The following ZNF347 variants were observed in gnomAD, a reference collection of about 807,000 sequenced individuals.
ZNF347 encodes CTD-2620I22.7.
ZNF347 carries 19 observed loss-of-function variants against 12.9 expected under a neutral mutation model. The ratio of observed to expected loss-of-function variants is 1.47; its 90% CI spans 1.03 to 2.16. ZNF347 has a LOEUF of 2.16. ZNF347 is among the 30% of genes most tolerant of loss of function. ZNF347 has a pLI of 0.00. For missense variants in ZNF347, 1,005 were observed against 990.6 expected (o/e 1.01, Z -0.19); for synonymous variants, 328 against 340.6 (o/e 0.96, Z 0.41).
Position 53,148,801 on chromosome 19 carries a change from A to T in ZNF347, c.151T>A (p.Cys51Ser), listed in dbSNP as rs1009268080. 3 of 1,613,098 alleles carry T rather than the reference A, an allele frequency of 1.9e-6. No individual in the cohort carries two copies. Among genetic ancestry groups the T allele is most frequent in the Non-Finnish European group, 2.5e-6 (3 of 1,179,638 alleles). ...YRNLASLGIS[C>S]FDLSIISMLE... Reference sequence around the variant, plus strand: ...ATAGAGATAATACTGAGGTCAAAACAAGAGATTCCTGCTTATGAAAAGAAA... The same window carrying T: ...ATAGAGATAATACTGAGGTCAAAACTAGAGATTCCTGCTTATGAAAAGAAA... The change falls in exon 4 of 5, where the codon TGT (cysteine) becomes AGT (serine). Residue 51 changes from cysteine to serine, a missense_variant. Transcript: ENST00000334197.
Position 53,151,416 on chromosome 19 carries a change from T to TAC in ZNF347, c.16-2050_16-2049insGT, listed in dbSNP as rs1015428588. Among the ~76,000 whole-genome samples the TAC allele has an allele frequency of 4.0e-5, 6 of 151,520 alleles. No individual in the cohort carries two copies. The East Asian group carries it at 7.9e-4, about 20-fold the overall frequency. The stretch of plus-strand genomic sequence containing the variant: ...AGCCAGGCATGGTGGCGGGCACCTG[T>TAC]AGTCTCAGCTACTCAGGAGGCTGAG... On this transcript the variant is annotated intron_variant, in intron 2 of 4. Coordinates refer to ENST00000334197, the MANE Select transcript of ZNF347 (RefSeq NM_032584.3).
At chr19:53,144,063 T>G (rs2090446629) in intron 4 of ZNF347, among the ~76,000 whole-genome samples, 1 of 147,096 alleles carries the variant, frequency 6.8e-6, no homozygotes, top group African/African-American at 2.5e-5. Context: ...ACTTCTCTCT[T>G]GCTTTCTTTC....
In ZNF347 at chr19:53,142,600, C is replaced by T. The variant is rs149228303; in HGVS notation, c.272-44G>A. The T allele has an allele frequency of 1.4e-3, 2,014 of 1,406,056 alleles. 19 individuals are homozygous for T. Among genetic ancestry groups the T allele is most frequent in the South Asian group, 9.5e-3 (623 of 65,500 alleles). The allele number at this position is 1,406,056 out of a possible 1,614,324, so 87.1% of individuals were successfully genotyped here. On this transcript the variant is annotated intron_variant, in intron 4 of 4. Coordinates refer to ENST00000334197, the MANE Select transcript of ZNF347 (RefSeq NM_032584.3). ...CATAGGTTTCCAATTAATTGTAGTA[C>T]GTAAACAAGTATTTTACACCGAAAA...
In ZNF347 at chr19:53,136,862, G is replaced by A. The variant is rs115743544; in HGVS notation, c.*3446C>T. The A allele has an allele frequency of 1.1e-3, 168 of 152,182 alleles. No individual in the cohort carries two copies. The highest frequency in any genetic ancestry group is 3.7e-3 in the African/African-American group (153 of 41,542). The allele number at this position is 152,182 out of a possible 1,614,324, so 9.4% of individuals were successfully genotyped here. On this transcript the variant is annotated 3_prime_UTR_variant, in exon 5 of 5. Transcript: ENST00000334197. ...TATTATCTACTATTATGAAGAAAGCGGAGGTCTTCCCTAACAAAGAAGTTA... is the reference window on the plus strand; with the variant it reads ...TATTATCTACTATTATGAAGAAAGCAGAGGTCTTCCCTAACAAAGAAGTTA...
At chr19:53,150,728 A>G (rs1168605243) in intron 2 of ZNF347, among the ~76,000 whole-genome samples, 1 of 152,120 alleles carries the variant, frequency 6.6e-6, no homozygotes, top group Non-Finnish European at 1.5e-5. Context: ...GCATTATTCT[A>G]TTTATTTATT....
chr19:53,156,382 AAC>A (rs1188703829), intron 1 of ZNF347, among the ~76,000 whole-genome samples: 1 of 151,984 alleles, frequency 6.6e-6, no homozygotes, highest in African/African-American at 2.4e-5. Context: ...CAGCCTGGAC[AAC>A]AGAGCGAGAC....
chr19:53,149,956 G>A (rs900721561), intron 2 of ZNF347, among the ~76,000 whole-genome samples: 1 of 152,078 alleles, frequency 6.6e-6, no homozygotes, highest in South Asian at 2.1e-4. Context: ...GCTTACATCT[G>A]GCTGTTCATC....
Position 53,135,386 on chromosome 19 carries a change from A to AGG in ZNF347, c.*4921_*4922insCC, listed in dbSNP as rs2090383521. 14 of 149,196 alleles carry AGG rather than the reference A, an allele frequency of 9.4e-5. No individual in the cohort carries two copies. The highest frequency in any genetic ancestry group is 3.0e-4 in the African/African-American group (12 of 40,514). 9.2% of individuals were successfully genotyped at this position (149,196 alleles called of 1,614,324 possible). A position where few individuals can be genotyped will look rare whatever the true frequency, so the allele number is the denominator to read the frequency against. On this transcript the variant is annotated 3_prime_UTR_variant, in exon 5 of 5. Transcript: ENST00000334197. ...GAGAGAGAAAGAGAGAGAGAGAGAG[A>AGG]GAGAGAGATGGAGTCCCGCTCTGTC...
Position 53,135,320 on chromosome 19 carries a change from ATATATATATATATATATAT to A in ZNF347, c.*4969_*4987del, listed in dbSNP as rs2090379956. The A allele has an allele frequency of 1.5e-5, 1 of 65,814 alleles. No homozygotes were observed. Among genetic ancestry groups the A allele is most frequent in the Non-Finnish European group, 3.5e-5 (1 of 28,582 alleles). The allele number at this position is 65,814 out of a possible 1,614,324, so 4.1% of individuals were successfully genotyped here. ...TCTAAATATATATATATATATATAT[ATATATATATATATATATAT>A]AGAGAGAGAGAGAGAGAGAGAGAGA... On this transcript the variant is annotated 3_prime_UTR_variant, in exon 5 of 5. Coordinates refer to ENST00000334197, the MANE Select transcript of ZNF347 (RefSeq NM_032584.3).
Position 53,141,351 on chromosome 19 carries a change from C to A in ZNF347, c.1477G>T (p.Ala493Ser). The A allele has an allele frequency of 1.2e-6, 2 of 1,613,860 alleles. No homozygotes were observed. ...GTTAGGTTTGAATGTGCTCTAAAGG[C>A]TTTGCCACACTCATTACACTTATAA... ...KPYKCNECGKAFRAHSNLTTH... is the reference protein window; with the variant it reads ...KPYKCNECGKSFRAHSNLTTH... The change falls in exon 5 of 5, where the codon GCC becomes TCC. Residue 493 changes from alanine to serine, a missense_variant. Coordinates refer to ENST00000334197, the MANE Select transcript of ZNF347 (RefSeq NM_032584.3).
chr19:53,156,509 T>C (rs1286453080), intron 1 of ZNF347, among the ~76,000 whole-genome samples: 1 of 152,210 alleles, frequency 6.6e-6, no homozygotes, highest in African/African-American at 2.4e-5. Context: ...CTGTCACTTA[T>C]ACTTTTGAGT....
rs2090416073 is a variant in ZNF347 at position 53,140,633 on chromosome 19, G to A, written c.2195C>T (p.Thr732Ile). 6.2e-7 allele frequency: 1 copy of A among 1,613,514 alleles called. No homozygotes were observed. The highest frequency in any genetic ancestry group is 8.5e-7 in the Non-Finnish European group (1 of 1,179,976). The change falls in exon 5 of 5, where the codon ACT becomes ATT. Residue 732 changes from threonine (T) to isoleucine (I), a missense_variant. Physicochemically the swap from Thr to Ile is moderately conservative, Grantham distance 89 (BLOSUM62 -1). Coordinates refer to ENST00000334197, the MANE Select transcript of ZNF347 (RefSeq NM_032584.3). ...ATTGCATTTGTAAGGTTTTTTTCCA[G>A]TATGGATTGCCTGATGGGTAGTTAG... ...SSLTTHQAIHTGKKPYKCNEC... is the reference protein window; with the variant it reads ...SSLTTHQAIHIGKKPYKCNEC...
Position 53,153,738 on chromosome 19 carries a change from T to C in ZNF347, c.10A>G (p.Thr4Ala), listed in dbSNP as rs1371594990. The C allele has an allele frequency of 1.2e-6, 2 of 1,613,482 alleles. No individual in the cohort carries two copies. The highest frequency in any genetic ancestry group is 1.7e-6 in the Non-Finnish European group (2 of 1,179,490). ...CACTGATAATATTACCTTACCTGGG[T>C]GAGAGCCATGCCTGACTTGTCTTTC... MAL[T>A]QGQVTFRDVA... is the part of the protein sequence containing the mutation. Residue 4 changes from threonine (T) to alanine (A), a missense_variant, in exon 2 of 5, where the codon ACC (threonine) becomes GCC (alanine). Physicochemically the swap from Thr to Ala is moderately conservative, Grantham distance 58. Transcript: ENST00000334197.
chr19:53,145,075 G>T (rs2090454017), intron 4 of ZNF347, among the ~76,000 whole-genome samples: 1 of 151,958 alleles, frequency 6.6e-6, no homozygotes, highest in Non-Finnish European at 1.5e-5. Context: ...CAGATCACCT[G>T]GCGTCAGGAG....
chr19:53,149,767 C>T (rs2090486115), intron 2 of ZNF347, among the ~76,000 whole-genome samples: 3 of 152,140 alleles, frequency 2.0e-5, no homozygotes, highest in African/African-American at 7.2e-5. Context: ...TAATGAAGCC[C>T]CCATAATAAC....
chr19:53,149,161 T>C, intron 3 of ZNF347, 80 bp downstream of exon 3: 1 of 1,581,326 alleles, frequency 6.3e-7, no homozygotes, highest in Non-Finnish European at 8.5e-7. Context: ...AAGCAATGCA[T>C]GAGCTCCCAG....
rs763894156 is a variant in ZNF347 at position 53,141,397 on chromosome 19, T to G, written c.1431A>C (p.Leu477=). The change falls in exon 5 of 5, where the codon CTA becomes CTC. Residue 477 remains leucine, a synonymous_variant. Transcript: ENST00000334197. ...RRNSHLARHQ[L]IHTGEKPYKC... is the part of the protein sequence containing the mutation. ...TATAAGGTTTCTCTCCAGTATGAAT[T>G]AGCTGATGCCTTGCAAGGTGTGAAT... 14 of 1,613,874 alleles carry G rather than the reference T, an allele frequency of 8.7e-6. No individual in the cohort carries two copies. Among genetic ancestry groups the G allele is most frequent in the Non-Finnish European group, 1.1e-5 (13 of 1,179,954 alleles).
chr19:53,153,702 A>T, intron 2 of ZNF347, 31 bp downstream of exon 2: 1 of 1,611,122 alleles, frequency 6.2e-7, no homozygotes, highest in Non-Finnish European at 8.5e-7. Flanking sequence ...GAAATAAGAG[A>T]CAGAACAATC....
chr19:53,142,610 T>TATTTTACACCGAAAAACA (rs1246173159), intron 4 of ZNF347, 54 bp from the exon 5 acceptor site: 22 of 1,335,410 alleles, frequency 1.6e-5, no homozygotes, highest in East Asian at 1.0e-4. Context: ...CGTAAACAAG[T>TATTTTACACCGAAAAACA]ATTTTACACC....
Sources: gnomAD v4.1 joint callset for allele counts (sites outside exome capture counted in the v4.1 genomes callset) on GRCh38, gnomAD v4.1.1 for gene constraint, MANE v1.5 for transcripts, NCBI Gene and HGNC (gene_info 2026-07-23, HGNC 2026-07-21) for gene names.